The following TRAPPC9 variants were observed in gnomAD, a reference collection of about 807,000 sequenced individuals.
TRAPPC9 encodes trafficking protein particle complex subunit 9.
A neutral mutation model predicts 124.0 loss-of-function variants in TRAPPC9; 83 were observed. The ratio of observed to expected loss-of-function variants is 0.67; its 90% confidence interval spans 0.56 to 0.80. The LOEUF (loss-of-function observed/expected upper bound fraction) is 0.80. Ranked by LOEUF, TRAPPC9 falls within the 30% of genes least tolerant of loss-of-function variation. The pLI, the probability that TRAPPC9 is intolerant of heterozygous loss-of-function variation, is 0.00. For missense variants in TRAPPC9, 1,302 were observed against 1,508.3 expected (o/e 0.86, Z 2.27); for synonymous variants, 638 against 617.5 (o/e 1.03, Z -0.49).
intron 18 of TRAPPC9, among the ~76,000 whole-genome samples, chr8:140,010,037 T>C (rs1461449640): frequency 6.6e-6 from 1 of 152,246 alleles, no homozygotes; most frequent in African/African-American, 2.4e-5. Flanking sequence ...TGATGAACAA[T>C]TTAAAATGAC....
intron 1 of TRAPPC9, among the ~76,000 whole-genome samples, chr8:140,457,195 C>G (rs2132750228): frequency 6.6e-6 from 1 of 152,322 alleles, no homozygotes; most frequent in Non-Finnish European, 1.5e-5. Context: ...CGTCCCAGAC[C>G]CCGCGGGCTC....
At chr8:140,017,446 C>T (rs77823077) in intron 18 of TRAPPC9, among the ~76,000 whole-genome samples, 3,204 of 152,278 alleles carry the variant, frequency 0.021, 136 homozygotes, top group African/African-American at 0.072. Flanking sequence ...CCCACACAGA[C>T]GTCCAGTTGT....
At chr8:140,025,558 C>T (rs1284057695) in intron 17 of TRAPPC9, among the ~76,000 whole-genome samples, 2 of 52,930 alleles carry the variant, frequency 3.8e-5, no homozygotes, top group Non-Finnish European at 7.2e-5. Context: ...AAAGCATAAG[C>T]AAAATGCAAA....
chr8:140,211,890 A>G (rs1324626503), intron 17 of TRAPPC9, among the ~76,000 whole-genome samples: 2 of 152,232 alleles, frequency 1.3e-5, no homozygotes, highest in African/African-American at 4.8e-5. Context: ...GCTCAGCAAT[A>G]TAAGCAAAGG....
In TRAPPC9 at chr8:140,393,793, GA is replaced by G. The variant is rs1294118687; in HGVS notation, c.1134+3826del. Among the ~76,000 whole-genome samples the G allele has an allele frequency of 1.5e-4, 23 of 152,276 alleles. 1 individual carries two copies. Among genetic ancestry groups the G allele is most frequent in the Admixed American group, 1.4e-3 (22 of 15,298 alleles). On this transcript the variant is annotated intron_variant, in intron 7 of 22. Coordinates refer to ENST00000438773, the MANE Select transcript of TRAPPC9 (RefSeq NM_001160372.4). ...AGAACCAAAAGCTTGTTCTATTTCA[GA>G]AAAACTACAGACCCCTCTTCTTTAT...
At chr8:139,897,576 C>A (rs943799049) in intron 20 of TRAPPC9, among the ~76,000 whole-genome samples, 1 of 152,234 alleles carries the variant, frequency 6.6e-6, no homozygotes, top group African/African-American at 2.4e-5. Context: ...CCCTGAGCAC[C>A]TGTGATGTGT....
chr8:140,418,771 T>TAGACAGATAGAC (rs2070045468), intron 5 of TRAPPC9, among the ~76,000 whole-genome samples: 2 of 131,168 alleles, frequency 1.5e-5, no homozygotes, highest in Admixed American at 1.6e-4. Context: ...GATAGATAGA[T>TAGACAGATAGAC]AGACAGACAG....
chr8:139,915,700 G>A (rs1025961326), intron 19 of TRAPPC9, among the ~76,000 whole-genome samples: 1 of 152,210 alleles, frequency 6.6e-6, no homozygotes, highest in East Asian at 1.9e-4. Context: ...TCAGGGCAGA[G>A]ACATCTTCCC....
intron 21 of TRAPPC9, among the ~76,000 whole-genome samples, chr8:139,831,818 G>A (rs914298243): frequency 1.3e-5 from 2 of 152,226 alleles, no homozygotes; most frequent in African/African-American, 2.4e-5. Flanking sequence ...GGACGTGCTC[G>A]GAGTGTCTCG....
intron 6 of TRAPPC9, among the ~76,000 whole-genome samples, chr8:140,401,230 C>A (rs1588286376): frequency 6.6e-6 from 1 of 152,208 alleles, no homozygotes; most frequent in East Asian, 1.9e-4. Context: ...TTATCTTTCT[C>A]ACTAAAATCA....
At chr8:140,162,289 C>T (rs2061764061) in intron 17 of TRAPPC9, among the ~76,000 whole-genome samples, 1 of 152,154 alleles carries the variant, frequency 6.6e-6, no homozygotes, top group Admixed American at 6.5e-5. Context: ...TGCCTAGGCT[C>T]CGGCCCTACT....
chr8:140,152,391 T>C (rs2061558900), intron 17 of TRAPPC9, among the ~76,000 whole-genome samples: 1 of 135,916 alleles, frequency 7.4e-6, no homozygotes, highest in African/African-American at 2.8e-5. Flanking sequence ...GATGGAGTCC[T>C]GCTCTGTCAC....
chr8:140,457,498 C>G, intron 1 of TRAPPC9, 141 bp downstream of exon 1: 1 of 674,918 alleles, frequency 1.5e-6, no homozygotes. Context: ...CGGACCCGGA[C>G]AGGTGTGGCG....
rs6996223 is a variant in TRAPPC9 at position 139,899,900 on chromosome 8, C to T, written c.2964+10247G>A. On this transcript the variant is annotated intron_variant, in intron 20 of 22. Coordinates refer to ENST00000438773, the MANE Select transcript of TRAPPC9 (RefSeq NM_001160372.4). ...ACAGACCTGTACTGCCCTATATGTA[C>T]ATTTGGAGACTCTTGTGCCTAATTT... Among the ~76,000 whole-genome samples, 1,351 of 152,270 alleles carry T rather than the reference C, an allele frequency of 8.9e-3. 11 individuals are homozygous for T. The highest frequency in any genetic ancestry group is 0.031 in the African/African-American group (1,288 of 41,526).
chr8:140,439,222 T>C, intron 2 of TRAPPC9, 25 bp from the exon 3 acceptor site: 1 of 1,613,162 alleles, frequency 6.2e-7, no homozygotes, highest in African/African-American at 1.3e-5. Context: ...AAAATGTATC[T>C]TTATTACTAT....
chr8:140,425,435 A>C (rs982593944), intron 5 of TRAPPC9, among the ~76,000 whole-genome samples: 1 of 152,106 alleles, frequency 6.6e-6, no homozygotes, highest in Non-Finnish European at 1.5e-5. Context: ...GCCCCACAGA[A>C]TCTCCTCACT....
chr8:139,888,131 G>T (rs1563895175), intron 20 of TRAPPC9, among the ~76,000 whole-genome samples: 1 of 152,172 alleles, frequency 6.6e-6, no homozygotes, highest in African/African-American at 2.4e-5. Context: ...AACTCATCCC[G>T]TCCTCCCTCA....
At chr8:140,355,440 C>T (rs1051238818) in intron 9 of TRAPPC9, among the ~76,000 whole-genome samples, 5 of 152,098 alleles carry the variant, frequency 3.3e-5, no homozygotes, top group Non-Finnish European at 7.3e-5. Flanking sequence ...TCATCCAAAC[C>T]GAGATGATGA....
chr8:140,283,788 A>G (rs1422779506), intron 14 of TRAPPC9, 101 bp downstream of exon 14: 8 of 1,303,078 alleles, frequency 6.1e-6, no homozygotes, highest in Middle Eastern at 3.9e-4. Context: ...TATTCTGGTC[A>G]TAAGAATTAC....
Sources: gnomAD v4.1 joint callset for allele counts (sites outside exome capture counted in the v4.1 genomes callset) on GRCh38, gnomAD v4.1.1 for gene constraint, MANE v1.5 for transcripts, NCBI Gene and HGNC (gene_info 2026-07-23, HGNC 2026-07-21) for gene names.